NEK11: variants seen among roughly 807,000 people sequenced by gnomAD.
NEK11 encodes serine/threonine-protein kinase Nek11.
Under a neutral mutation model 80.7 loss-of-function variants are expected in NEK11, and 72 were observed. The ratio of observed to expected loss-of-function variants is 0.89; its 90% CI spans 0.74 to 1.08. The LOEUF is 1.08. Ranked by LOEUF, NEK11 falls within the 50% of genes least tolerant of loss-of-function variation. The pLI is 0.00. For synonymous variants in NEK11, 251 were observed against 260.7 expected, an observed-to-expected ratio of 0.96 and a Z score of 0.36; for missense variants, 764 against 763.6, an observed-to-expected ratio of 1.00 and a Z score of -0.01.
At chr3:131,050,553 C>A (rs909053471) in intron 3 of NEK11, among the ~76,000 whole-genome samples, 3 of 152,226 alleles carry the variant, frequency 2.0e-5, no homozygotes, top group South Asian at 4.1e-4. Context: ...ATAAAACTTA[C>A]ACCTAGAGTA....
chr3:131,247,001 G>A (rs967357510), intron 16 of NEK11, among the ~76,000 whole-genome samples: 3 of 151,850 alleles, frequency 2.0e-5, no homozygotes, highest in African/African-American at 7.3e-5. Context: ...TGAGTTCTTT[G>A]TAGATTCTGA....
chr3:131,033,005 G>A (rs1455515374), intron 3 of NEK11, among the ~76,000 whole-genome samples: 4 of 152,066 alleles, frequency 2.6e-5, no homozygotes, highest in Admixed American at 2.6e-4. Context: ...CTGAAACCAG[G>A]CATGTAATTT....
intron 14 of NEK11, among the ~76,000 whole-genome samples, chr3:131,189,368 T>C (rs1253087229): frequency 1.3e-5 from 2 of 152,150 alleles, no homozygotes. Context: ...CAACAGAAAT[T>C]TATTTATTAC....
intron 5 of NEK11, among the ~76,000 whole-genome samples, chr3:131,131,818 T>C (rs1166706957): frequency 2.0e-5 from 3 of 152,100 alleles, no homozygotes; most frequent in South Asian, 2.1e-4. Context: ...TCTTTCTTTT[T>C]TTCTAATATA....
intron 3 of NEK11, among the ~76,000 whole-genome samples, chr3:131,071,781 TAA>T (rs1221283579): frequency 6.6e-6 from 1 of 152,138 alleles, no homozygotes; most frequent in Non-Finnish European, 1.5e-5. Flanking sequence ...TCATGATTTT[TAA>T]AAGATTCATA....
At chr3:131,093,791 T>C (rs1235323473) in intron 4 of NEK11, among the ~76,000 whole-genome samples, 1 of 152,124 alleles carries the variant, frequency 6.6e-6, no homozygotes, top group Admixed American at 6.6e-5. Context: ...TAAGATCATA[T>C]AGGGATTCAG....
chr3:131,047,562 C>A (rs757825665), intron 3 of NEK11, among the ~76,000 whole-genome samples: 10 of 152,146 alleles, frequency 6.6e-5, no homozygotes, highest in Admixed American at 2.0e-4. Flanking sequence ...ATCTAACCAC[C>A]CAGCAGAGCT....
intron 17 of NEK11, among the ~76,000 whole-genome samples, chr3:131,315,346 T>G (rs2109532824): frequency 6.6e-6 from 1 of 152,244 alleles, no homozygotes; most frequent in Middle Eastern, 3.4e-3. Context: ...TTTTTTAGAT[T>G]CCGATCATGC....
At chr3:131,197,926 C>G (rs750202321) in intron 14 of NEK11, among the ~76,000 whole-genome samples, 1 of 152,002 alleles carries the variant, frequency 6.6e-6, no homozygotes, top group Admixed American at 6.6e-5. Flanking sequence ...ATGATGATGG[C>G]AGTGTAAGAC....
intron 17 of NEK11, among the ~76,000 whole-genome samples, chr3:131,305,368 C>A (rs991160153): frequency 2.0e-5 from 3 of 152,012 alleles, no homozygotes; most frequent in African/African-American, 4.8e-5. Flanking sequence ...TGGGAAATAT[C>A]CTGGTTGGGC....
chr3:131,029,387 T>C (rs559739920), intron 2 of NEK11, among the ~76,000 whole-genome samples: 6 of 152,366 alleles, frequency 3.9e-5, no homozygotes, highest in South Asian at 4.1e-4. Flanking sequence ...GAAAGTTGGC[T>C]ATAATTCACT....
At chr3:131,272,015 A>T (rs2096198396) in intron 16 of NEK11, among the ~76,000 whole-genome samples, 1 of 148,448 alleles carries the variant, frequency 6.7e-6, no homozygotes, top group Non-Finnish European at 1.5e-5. Context: ...CAGAAGAATC[A>T]CTTGAACCCG....
At chr3:131,217,450 TC>T (rs752228723) in intron 14 of NEK11, among the ~76,000 whole-genome samples, 1 of 152,182 alleles carries the variant, frequency 6.6e-6, no homozygotes, top group Non-Finnish European at 1.5e-5. Context: ...GGAAGTGTTT[TC>T]CTCTAGCTAT....
chr3:131,182,499 G>T (rs1251937731), intron 14 of NEK11, among the ~76,000 whole-genome samples: 9 of 152,142 alleles, frequency 5.9e-5, no homozygotes, highest in Admixed American at 5.9e-4. Flanking sequence ...CCATCTCATT[G>T]TTCTGTGCAC....
intron 5 of NEK11, among the ~76,000 whole-genome samples, chr3:131,115,422 G>A (rs922950963): frequency 7.2e-5 from 11 of 152,134 alleles, no homozygotes; most frequent in East Asian, 1.9e-4. Flanking sequence ...CAGTGCAGCC[G>A]TAGAGGAGAT....
chr3:131,137,541 C>T (rs1269081994), intron 7 of NEK11, among the ~76,000 whole-genome samples: 1 of 152,090 alleles, frequency 6.6e-6, no homozygotes, highest in Non-Finnish European at 1.5e-5. Flanking sequence ...CAGAAGAAAG[C>T]TATTGACCAG....
chr3:131,099,957 T>A (rs1307295091), intron 4 of NEK11, among the ~76,000 whole-genome samples: 1 of 152,218 alleles, frequency 6.6e-6, no homozygotes, highest in Non-Finnish European at 1.5e-5. Context: ...TATTTCTTTC[T>A]CTTGCCCAGT....
At position 131,272,463 on chromosome 3, in the gene NEK11, C is replaced by CTTTTTTTTTTTTTTTTTTTTTTTTTTT. The variant is rs869304359; in HGVS notation, c.1622-1011_1622-985dup. Among the ~76,000 whole-genome samples, 12 of 43,900 alleles carry CTTTTTTTTTTTTTTTTTTTTTTTTTTT rather than the reference C, an allele frequency of 2.7e-4. 2 individuals carry two copies. Among genetic ancestry groups the CTTTTTTTTTTTTTTTTTTTTTTTTTTT allele is most frequent in the Admixed American group, 6.2e-4 (2 of 3,202 alleles). 28.8% of individuals were successfully genotyped at this position (43,900 alleles called of 152,430 possible). On this transcript the variant is annotated intron_variant, in intron 16 of 17. Transcript: ENST00000383366. ...CTTGCTAATGGGCCAGTTTTAGCTT[C>CTTTTTTTTTTTTTTTTTTTTTTTTTTT]TTTTTTTTTTTTTTTTTTTTTTTTT...
At chr3:131,197,362 G>A (rs942796060) in intron 14 of NEK11, among the ~76,000 whole-genome samples, 5 of 152,160 alleles carry the variant, frequency 3.3e-5, no homozygotes, top group South Asian at 2.1e-4. Context: ...CTAGCAGGCC[G>A]GTCCAGGGGT....
Sources: allele counts gnomAD v4.1 joint callset (sites outside exome capture counted in the v4.1 genomes callset), GRCh38; gene constraint gnomAD v4.1.1; transcripts MANE v1.5; gene names NCBI Gene and HGNC (gene_info 2026-07-23, HGNC 2026-07-21).